Variants in ELAVL2 observed in about 807,000 individuals in gnomAD.
ELAVL2 encodes the protein ELAV like RNA binding protein 2.
A neutral mutation model predicts 34.6 loss-of-function variants in ELAVL2; 4 were observed. The ratio of observed to expected loss-of-function variants is 0.12; its 90% CI spans 0.06 to 0.26. The LOEUF (loss-of-function observed/expected upper bound fraction) is 0.26, where lower values mean the gene tolerates loss of function less well. Among genes scored for constraint, ELAVL2 ranks in the 10% least tolerant of loss-of-function variants. The pLI is 1.00. For synonymous variants in ELAVL2, 193 were observed against 154.8 expected, an observed-to-expected ratio of 1.25 and a Z score of -1.83; for missense variants, 432 against 442.8, an observed-to-expected ratio of 0.98 and a Z score of 0.22.
chr9:23,809,107 C>G (rs1382606108), intron 1 of ELAVL2, among the ~76,000 whole-genome samples: 3 of 152,166 alleles, frequency 2.0e-5, no homozygotes, highest in Admixed American at 1.3e-4. Flanking sequence ...CTGTGATATT[C>G]TAAATTACAG....
intron 1 of ELAVL2, among the ~76,000 whole-genome samples, chr9:23,794,116 C>T (rs952379720): frequency 2.0e-5 from 3 of 152,214 alleles, no homozygotes; most frequent in African/African-American, 7.2e-5. Context: ...GTCAGCAGCA[C>T]CCAGAGATAC....
chr9:23,825,261 T>C (rs1180381694), intron 1 of ELAVL2, among the ~76,000 whole-genome samples: 1 of 152,142 alleles, frequency 6.6e-6, no homozygotes, highest in Admixed American at 6.5e-5. Flanking sequence ...ATGTACTTTT[T>C]TCAGTCAACT....
intron 2 of ELAVL2, among the ~76,000 whole-genome samples, chr9:23,756,435 T>C (rs933563877): frequency 1.3e-5 from 2 of 152,162 alleles, no homozygotes; most frequent in African/African-American, 4.8e-5. Flanking sequence ...CTGAGAGTAA[T>C]GGTGAAATAC....
intron 1 of ELAVL2, among the ~76,000 whole-genome samples, chr9:23,776,942 A>C (rs1012633830): frequency 2.0e-5 from 3 of 152,108 alleles, no homozygotes; most frequent in Non-Finnish European, 2.9e-5. Flanking sequence ...CACTAAGAAA[A>C]TTTTAAATTA....
chr9:23,805,723 C>A (rs1300926157), intron 1 of ELAVL2, among the ~76,000 whole-genome samples: 1 of 152,148 alleles, frequency 6.6e-6, no homozygotes, highest in Non-Finnish European at 1.5e-5. Context: ...CAGTGTAGAG[C>A]AGAAAACATT....
chr9:23,761,928 C>A, intron 2 of ELAVL2, 78 bp downstream of exon 2: 1 of 1,444,630 alleles, frequency 6.9e-7, no homozygotes, highest in South Asian at 1.5e-5. Flanking sequence ...GAATTATTTA[C>A]AAGCAGTAAT....
intron 4 of ELAVL2, 92 bp from the exon 5 acceptor site, chr9:23,701,696 GA>G (rs1320593084): frequency 7.3e-7 from 1 of 1,364,874 alleles, no homozygotes; most frequent in Middle Eastern, 2.6e-4. Flanking sequence ...TCCTTCTCAA[GA>G]ACATGTTTTC....
chr9:23,745,761 G>GATAAATGTAGGTC (rs2050331171), intron 2 of ELAVL2, among the ~76,000 whole-genome samples: 2 of 152,172 alleles, frequency 1.3e-5, no homozygotes, highest in Admixed American at 1.3e-4. Context: ...AAGCAGAGGA[G>GATAAATGTAGGTC]ATAAATGTAG....
At chr9:23,704,826 T>C in intron 4 of ELAVL2, 92 bp downstream of exon 4, 2 of 1,524,896 alleles carry the variant, frequency 1.3e-6, no homozygotes. Context: ...TGATATGTTC[T>C]AGAAGCAAGA....
At chr9:23,774,213 C>CAAAAAAAAAAAAAAAAAAA (rs57247631) in intron 1 of ELAVL2, among the ~76,000 whole-genome samples, 1 of 61,452 alleles carries the variant, frequency 1.6e-5, no homozygotes, top group Non-Finnish European at 2.9e-5. Context: ...GACTCCATCT[C>CAAAAAAAAAAAAAAAAAAA]AAAAAAAAAA....
intron 3 of ELAVL2, among the ~76,000 whole-genome samples, chr9:23,717,785 C>T (rs1054620764): frequency 6.6e-6 from 1 of 152,144 alleles, no homozygotes; most frequent in African/African-American, 2.4e-5. Flanking sequence ...AAGGACAAGG[C>T]TACCTCTTGT....
chr9:23,757,499 A>C (rs2053857135), intron 2 of ELAVL2, among the ~76,000 whole-genome samples: 1 of 151,936 alleles, frequency 6.6e-6, no homozygotes, highest in Non-Finnish European at 1.5e-5. Context: ...GGGTTGGTTA[A>C]GGTCACCTCT....
chr9:23,783,560 G>C (rs2059336613), intron 1 of ELAVL2: 7 of 935,590 alleles, frequency 7.5e-6, no homozygotes, highest in Non-Finnish European at 8.9e-6. Flanking sequence ...CCACTAAAAG[G>C]ACACAGAAGA....
intron 1 of ELAVL2, among the ~76,000 whole-genome samples, chr9:23,807,294 A>G (rs1032016174): frequency 1.3e-5 from 2 of 152,166 alleles, no homozygotes; most frequent in Non-Finnish European, 2.9e-5. Context: ...TGTGTGAATG[A>G]GGAAACTAGC....
chr9:23,739,857 T>C lies in ELAVL2; in HGVS notation c.230-8732A>G, dbSNP rs1457613551. 3.3e-5 allele frequency among the ~76,000 whole-genome samples: 5 copies of C among 152,180 alleles called. No homozygotes were observed. In the East Asian group the frequency reaches 9.7e-4, roughly 30 times the overall value. The stretch of plus-strand genomic sequence containing the variant: ...GCAGTACAGCTTCTTAATGTGTTTT[T>C]CTCTCTGTACAAGATCATTTTTTAA... On this transcript the variant is annotated intron_variant, in intron 2 of 6. Coordinates refer to ENST00000397312, the MANE Select transcript of ELAVL2 (RefSeq NM_004432.5).
chr9:23,756,382 A>G (rs1164960557), intron 2 of ELAVL2, among the ~76,000 whole-genome samples: 2 of 152,054 alleles, frequency 1.3e-5, no homozygotes, highest in South Asian at 2.1e-4. Context: ...CAAAGTTTCT[A>G]GTTAGCAGCT....
intron 5 of ELAVL2, among the ~76,000 whole-genome samples, chr9:23,695,698 C>T (rs2034914595): frequency 6.6e-6 from 1 of 152,096 alleles, no homozygotes; most frequent in African/African-American, 2.4e-5. Context: ...GTAGGTAATT[C>T]TAACACAATG....
intron 3 of ELAVL2, among the ~76,000 whole-genome samples, chr9:23,721,617 T>C (rs1268422415): frequency 6.6e-6 from 1 of 152,110 alleles, no homozygotes; most frequent in Admixed American, 6.5e-5. Context: ...GTTTTCAAAA[T>C]ACAGATGACC....
intron 1 of ELAVL2, among the ~76,000 whole-genome samples, chr9:23,792,426 C>A (rs939955012): frequency 2.0e-5 from 3 of 152,192 alleles, no homozygotes; most frequent in African/African-American, 7.2e-5. Flanking sequence ...TTTACCTTCA[C>A]TAAAATGAGT....
Sources: gnomAD v4.1 joint callset for allele counts (sites outside exome capture counted in the v4.1 genomes callset) on GRCh38, gnomAD v4.1.1 for gene constraint, MANE v1.5 for transcripts, NCBI Gene and HGNC (gene_info 2026-07-23, HGNC 2026-07-21) for gene names.